KLF12: variants seen among roughly 807,000 people sequenced by gnomAD.
KLF12 encodes Krueppel-like factor 12.
A neutral mutation model predicts 37.8 loss-of-function variants in KLF12; 9 were observed. The observed-to-expected ratio is 0.24, with a 90% confidence interval of 0.14 to 0.42. KLF12 has a LOEUF of 0.42. KLF12 is among the 10% of genes least tolerant of loss of function. KLF12 has a pLI of 1.00. For synonymous variants in KLF12, 208 were observed against 202.1 expected, an observed-to-expected ratio of 1.03 and a Z score of -0.25; for missense variants, 411 against 516.0, an observed-to-expected ratio of 0.80 and a Z score of 1.97.
chr13:73,745,637 T>C (rs1391531287), intron 6 of KLF12, among the ~76,000 whole-genome samples: 1 of 152,188 alleles, frequency 6.6e-6, no homozygotes, highest in African/African-American at 2.4e-5. Flanking sequence ...AAGAAAATGC[T>C]CCTTTGTTAA....
At chr13:74,127,107 G>T (rs1459092559) in intron 1 of KLF12, among the ~76,000 whole-genome samples, 1 of 152,100 alleles carries the variant, frequency 6.6e-6, no homozygotes, top group African/African-American at 2.4e-5. Flanking sequence ...GGGATCAAGG[G>T]ATCCTCCTGC....
chr13:74,271,455 G>A, the KLF12 span, among the ~76,000 whole-genome samples: 1 of 152,076 alleles, frequency 6.6e-6, no homozygotes, highest in South Asian at 2.1e-4. Context: ...AGTGAAAAAT[G>A]GTAGGACCAT....
At chr13:73,702,590 G>A (rs571346596) in intron 7 of KLF12, among the ~76,000 whole-genome samples, 2 of 152,104 alleles carry the variant, frequency 1.3e-5, no homozygotes, top group Non-Finnish European at 2.9e-5. Context: ...CAACTGAAAA[G>A]GAACACCTTT....
chr13:73,949,605 G>A (rs1890569567), intron 2 of KLF12, among the ~76,000 whole-genome samples: 1 of 152,082 alleles, frequency 6.6e-6, no homozygotes, highest in African/African-American at 2.4e-5. Flanking sequence ...ATGGTTTCAT[G>A]GCCTTCAATG....
chr13:73,831,556 C>T (rs9600174), intron 4 of KLF12, among the ~76,000 whole-genome samples: 53,696 of 151,924 alleles, frequency 0.35, 10,998 homozygotes, highest in Non-Finnish European at 0.47. Context: ...GCAATTATTA[C>T]GCTGTAATAA....
chr13:74,023,541 T>G (rs568107659), intron 1 of KLF12, among the ~76,000 whole-genome samples: 2 of 152,196 alleles, frequency 1.3e-5, no homozygotes, highest in Non-Finnish European at 2.9e-5. Flanking sequence ...TCTCTGAGTT[T>G]CTGGTGGTTC....
the KLF12 span, among the ~76,000 whole-genome samples, chr13:74,234,265 G>A: frequency 2.0e-5 from 3 of 152,172 alleles, no homozygotes; most frequent in Non-Finnish European, 4.4e-5. Context: ...ACACAGTACA[G>A]CATGTTCAGA....
chr13:74,052,104 C>T (rs9318243), intron 1 of KLF12, among the ~76,000 whole-genome samples: 101,441 of 151,920 alleles, frequency 0.67, 34,385 homozygotes, highest in East Asian at 0.85. Context: ...AGGTGTATGA[C>T]TTAAATTTTA....
intron 1 of KLF12, among the ~76,000 whole-genome samples, chr13:74,038,131 C>T (rs545933485): frequency 2.0e-5 from 3 of 152,144 alleles, no homozygotes; most frequent in South Asian, 4.1e-4. Flanking sequence ...GTGGATTATA[C>T]CAATGTCAAT....
chr13:74,051,253 A>G (rs1276148732), intron 1 of KLF12, among the ~76,000 whole-genome samples: 8 of 152,124 alleles, frequency 5.3e-5, no homozygotes, highest in Non-Finnish European at 1.2e-4. Context: ...TTATTGCAGC[A>G]GTAATCACAA....
chr13:73,742,647 C>G (rs1878083352), intron 6 of KLF12, among the ~76,000 whole-genome samples: 1 of 152,072 alleles, frequency 6.6e-6, no homozygotes. Flanking sequence ...TTTAATTCTT[C>G]TAACATCTAA....
intron 2 of KLF12, among the ~76,000 whole-genome samples, chr13:73,950,572 C>A (rs1890607507): frequency 6.6e-6 from 1 of 152,172 alleles, no homozygotes; most frequent in South Asian, 2.1e-4. Context: ...CCTCTACTTG[C>A]CCGTCATTCC....
chr13:74,178,989 T>C, the KLF12 span, among the ~76,000 whole-genome samples: 10 of 152,378 alleles, frequency 6.6e-5, no homozygotes, highest in East Asian at 1.7e-3. Flanking sequence ...AAAAGAGTTA[T>C]AGACACTATA....
intron 4 of KLF12, among the ~76,000 whole-genome samples, chr13:73,830,511 C>G (rs926551118): frequency 4.6e-4 from 70 of 152,286 alleles, no homozygotes; most frequent in Non-Finnish European, 8.1e-4. Flanking sequence ...TTCTGAACAT[C>G]TGCTATATAA....
chr13:73,833,764 T>C (rs576178313), intron 4 of KLF12, among the ~76,000 whole-genome samples: 15 of 152,154 alleles, frequency 9.9e-5, no homozygotes, highest in African/African-American at 3.4e-4. Context: ...GGACGTGAGA[T>C]GTATTTGGTG....
intron 1 of KLF12, among the ~76,000 whole-genome samples, chr13:74,083,797 A>G (rs962752950): frequency 1.3e-5 from 2 of 152,248 alleles, no homozygotes; most frequent in Non-Finnish European, 2.9e-5. Flanking sequence ...AGTAACTGTG[A>G]AATAGAAGTC....
chr13:73,822,067 T>G (rs1450962929), intron 4 of KLF12, among the ~76,000 whole-genome samples: 3 of 152,214 alleles, frequency 2.0e-5, no homozygotes, highest in Non-Finnish European at 4.4e-5. Flanking sequence ...AAATGTAAAG[T>G]TTAATGCAGA....
intron 3 of KLF12, among the ~76,000 whole-genome samples, chr13:73,928,961 G>C (rs1889537539): frequency 6.6e-6 from 1 of 152,096 alleles, no homozygotes; most frequent in African/African-American, 2.4e-5. Flanking sequence ...TCAATATTAG[G>C]ATCACTCTCC....
intron 1 of KLF12, among the ~76,000 whole-genome samples, chr13:74,002,850 T>C (rs1460330217): frequency 1.3e-5 from 2 of 152,212 alleles, no homozygotes; most frequent in African/African-American, 4.8e-5. Flanking sequence ...GAACTGCCTA[T>C]ATGCAAAGAA....
Sources: gnomAD v4.1 joint callset for allele counts (sites outside exome capture counted in the v4.1 genomes callset) on GRCh38, gnomAD v4.1.1 for gene constraint, MANE v1.5 for transcripts, NCBI Gene and HGNC (gene_info 2026-07-23, HGNC 2026-07-21) for gene names.